MCTP1: variants seen among roughly 807,000 people sequenced by gnomAD.
The protein encoded by MCTP1 is multiple C2 and transmembrane domain-containing protein 1.
A neutral mutation model predicts 120.6 loss-of-function variants in MCTP1; 69 were observed. The observed-to-expected ratio is 0.57, with a 90% CI of 0.47 to 0.70. The LOEUF (loss-of-function observed/expected upper bound fraction) is 0.70, where lower values mean the gene tolerates loss of function less well. MCTP1 is among the 30% of genes least tolerant of loss of function. MCTP1 has a pLI of 0.00. For synonymous variants in MCTP1, 529 were observed against 493.1 expected (o/e 1.07, Z -0.96); for missense variants, 1,203 against 1,248.8 (o/e 0.96, Z 0.55).
intron 1 of MCTP1, among the ~76,000 whole-genome samples, chr5:95,211,789 T>C (rs1386668887): frequency 6.6e-6 from 1 of 152,202 alleles, no homozygotes; most frequent in Non-Finnish European, 1.5e-5. Context: ...GCTCTGTTTT[T>C]CCCCATCTTT....
chr5:95,226,568 A>G (rs1158249426), intron 1 of MCTP1, among the ~76,000 whole-genome samples: 1 of 151,760 alleles, frequency 6.6e-6, no homozygotes, highest in Non-Finnish European at 1.5e-5. Flanking sequence ...TCTCTGTCAC[A>G]ATTTACTGCT....
At chr5:95,187,647 G>A (rs1381846060) in intron 1 of MCTP1, among the ~76,000 whole-genome samples, 6 of 152,078 alleles carry the variant, frequency 3.9e-5, no homozygotes, top group Admixed American at 6.5e-5. Flanking sequence ...TGATCCACCC[G>A]CCTCAGTCTC....
At chr5:95,263,740 C>T (rs1490555062) in intron 1 of MCTP1, among the ~76,000 whole-genome samples, 3 of 152,286 alleles carry the variant, frequency 2.0e-5, no homozygotes, top group South Asian at 2.1e-4. Context: ...CAGGAACTTT[C>T]ATTGTACCCT....
chr5:94,889,344 T>A (rs1347279990), intron 11 of MCTP1, among the ~76,000 whole-genome samples: 1 of 152,122 alleles, frequency 6.6e-6, no homozygotes, highest in Non-Finnish European at 1.5e-5. Context: ...ATCCCAGCAC[T>A]TTGGGAAGCT....
intron 17 of MCTP1, among the ~76,000 whole-genome samples, chr5:94,852,885 A>G (rs1401647422): frequency 6.6e-6 from 1 of 151,988 alleles, no homozygotes; most frequent in African/African-American, 2.4e-5. Flanking sequence ...GCCAGGCAAT[A>G]AACCACACTA....
At chr5:95,246,750 C>A (rs1756837047) in intron 1 of MCTP1, among the ~76,000 whole-genome samples, 1 of 152,138 alleles carries the variant, frequency 6.6e-6, no homozygotes. Flanking sequence ...TTAGACAGAT[C>A]ATGGTGGATA....
intron 1 of MCTP1, among the ~76,000 whole-genome samples, chr5:95,228,683 A>G (rs1754573380): frequency 6.6e-6 from 1 of 152,136 alleles, no homozygotes; most frequent in South Asian, 2.1e-4. Flanking sequence ...GGAGGTGATT[A>G]AATCATGGGG....
chr5:94,895,647 T>G (rs1037591167), intron 10 of MCTP1, among the ~76,000 whole-genome samples: 2 of 152,218 alleles, frequency 1.3e-5, no homozygotes, highest in Non-Finnish European at 2.9e-5. Flanking sequence ...ATAAACTGCG[T>G]GGTCAGAGAC....
intron 1 of MCTP1, among the ~76,000 whole-genome samples, chr5:95,135,584 C>T (rs1159939232): frequency 6.6e-6 from 1 of 152,132 alleles, no homozygotes; most frequent in South Asian, 2.1e-4. Context: ...GGCAGAAAAA[C>T]GTGAAGAAGC....
intron 1 of MCTP1, among the ~76,000 whole-genome samples, chr5:95,099,278 T>G (rs1159655482): frequency 1.3e-5 from 2 of 152,144 alleles, no homozygotes; most frequent in Admixed American, 6.5e-5. Context: ...AAATGGGATC[T>G]AATGAAACTA....
intron 1 of MCTP1, among the ~76,000 whole-genome samples, chr5:95,270,968 AT>A (rs1759343084): frequency 6.6e-6 from 1 of 151,582 alleles, no homozygotes; most frequent in Non-Finnish European, 1.5e-5. Flanking sequence ...ACAAAAGCTA[AT>A]TCAAAGACAG....
At chr5:94,729,558 C>A (rs890052501) in intron 19 of MCTP1, among the ~76,000 whole-genome samples, 1 of 152,108 alleles carries the variant, frequency 6.6e-6, no homozygotes, top group Non-Finnish European at 1.5e-5. Flanking sequence ...CTCCCATTGG[C>A]CAAATCCCCA....
chr5:95,095,948 G>A (rs904039678), intron 1 of MCTP1, among the ~76,000 whole-genome samples: 5 of 152,126 alleles, frequency 3.3e-5, no homozygotes, highest in Non-Finnish European at 5.9e-5. Context: ...AGGGGGAAAC[G>A]AGACCTCCAA....
intron 1 of MCTP1, among the ~76,000 whole-genome samples, chr5:95,116,260 T>C (rs561643452): frequency 1.3e-5 from 2 of 152,082 alleles, no homozygotes; most frequent in South Asian, 4.2e-4. Flanking sequence ...AAACACAGAT[T>C]ATAACACTAT....
At chr5:94,963,381 A>G (rs76855409) in intron 2 of MCTP1, among the ~76,000 whole-genome samples, 7,594 of 146,186 alleles carry the variant, frequency 0.052, 276 homozygotes, top group Middle Eastern at 0.094. Context: ...AGAAACCTCC[A>G]TACTGTTTTC....
chr5:95,175,035 T>C (rs182452072), intron 1 of MCTP1, among the ~76,000 whole-genome samples: 54 of 152,200 alleles, frequency 3.5e-4, no homozygotes, highest in Non-Finnish European at 6.3e-4. Flanking sequence ...ATAAAATCTA[T>C]GCTTAAGTAA....
At chr5:95,279,177 T>C (rs1222515648) in intron 1 of MCTP1, among the ~76,000 whole-genome samples, 2 of 152,204 alleles carry the variant, frequency 1.3e-5, no homozygotes. Context: ...AAAGAAATCA[T>C]ATTACATGTT....
chr5:95,134,110 A>G (rs2152427645), intron 1 of MCTP1, among the ~76,000 whole-genome samples: 1 of 152,212 alleles, frequency 6.6e-6, no homozygotes, highest in East Asian at 1.9e-4. Flanking sequence ...TTAATACCAT[A>G]GGATGCTTCA....
chr5:94,737,757 C>A (rs1444112386), intron 19 of MCTP1, among the ~76,000 whole-genome samples: 3 of 152,200 alleles, frequency 2.0e-5, no homozygotes, highest in African/African-American at 7.2e-5. Flanking sequence ...CTCACTGCAA[C>A]CTTTGCCTCT....
Sources: allele counts gnomAD v4.1 joint callset (sites outside exome capture counted in the v4.1 genomes callset), GRCh38; gene constraint gnomAD v4.1.1; transcripts MANE v1.5; gene names NCBI Gene and HGNC (gene_info 2026-07-23, HGNC 2026-07-21).